Variants in INPP4B observed in about 807,000 individuals in gnomAD.
The protein encoded by INPP4B is inositol polyphosphate-4-phosphatase type II B, also known as inositol polyphosphate 4-phosphatase type II.
A neutral mutation model predicts 122.5 loss-of-function variants in INPP4B; 55 were observed. That is an observed-to-expected ratio of 0.45 (90% CI 0.36 to 0.56). The LOEUF is 0.56. Among genes scored for constraint, INPP4B ranks in the 20% least tolerant of loss-of-function variants. The pLI is 0.00. For synonymous variants in INPP4B, 403 were observed against 388.7 expected, an observed-to-expected ratio of 1.04 and a Z score of -0.43; for missense variants, 1,000 against 1,097.7, an observed-to-expected ratio of 0.91 and a Z score of 1.26.
chr4:142,475,251 G>T (rs1819609465), intron 2 of INPP4B, among the ~76,000 whole-genome samples: 1 of 151,168 alleles, frequency 6.6e-6, no homozygotes, highest in Non-Finnish European at 1.5e-5. Context: ...AAGCAAATTT[G>T]CAAGGGCATC....
intron 14 of INPP4B, 112 bp downstream of exon 14, chr4:142,208,313 T>C (rs1343602785): frequency 1.2e-5 from 6 of 488,432 alleles, no homozygotes; most frequent in Non-Finnish European, 2.1e-5. Context: ...AACTGTTTCA[T>C]TTTCAACTTT....
At chr4:142,751,283 C>CAAAA (rs70949187) in intron 1 of INPP4B, among the ~76,000 whole-genome samples, 21 of 105,022 alleles carry the variant, frequency 2.0e-4, no homozygotes, top group East Asian at 7.1e-4. Context: ...TTAACTGTGT[C>CAAAA]AAAAAAAAAA....
chr4:142,291,399 T>C (rs1414822791), intron 9 of INPP4B, among the ~76,000 whole-genome samples: 1 of 152,238 alleles, frequency 6.6e-6, no homozygotes, highest in Non-Finnish European at 1.5e-5. Flanking sequence ...AAATGTGATG[T>C]GACTTAGTTT....
intron 25 of INPP4B, among the ~76,000 whole-genome samples, chr4:142,059,048 C>T (rs1759212734): frequency 6.6e-6 from 1 of 152,064 alleles, no homozygotes; most frequent in Non-Finnish European, 1.5e-5. Flanking sequence ...GGCTTATAAA[C>T]CTGGATATTT....
chr4:142,387,524 C>T (rs187782952), intron 7 of INPP4B, among the ~76,000 whole-genome samples: 111 of 150,818 alleles, frequency 7.4e-4, no homozygotes, highest in African/African-American at 2.4e-3. Flanking sequence ...TTTTGTGTTG[C>T]GTTTGGCCTC....
chr4:142,383,516 A>G (rs547218522), intron 7 of INPP4B, among the ~76,000 whole-genome samples: 6 of 152,238 alleles, frequency 3.9e-5, no homozygotes, highest in African/African-American at 1.4e-4. Context: ...ATCAAAACAG[A>G]GTTATGTGGA....
At chr4:142,254,038 TCCCTGAC>T (rs1274093831) in intron 11 of INPP4B, among the ~76,000 whole-genome samples, 66 of 149,390 alleles carry the variant, frequency 4.4e-4, no homozygotes, top group Admixed American at 3.8e-3. Context: ...CTCTAGTGGG[TCCCTGAC>T]CCCTGACCCC....
At chr4:142,615,865 A>G (rs1161047875) in intron 2 of INPP4B, among the ~76,000 whole-genome samples, 3 of 152,094 alleles carry the variant, frequency 2.0e-5, no homozygotes, top group Non-Finnish European at 4.4e-5. Flanking sequence ...CTCTCTGCCC[A>G]CTGAAGGTTC....
chr4:142,146,447 T>C (rs1240700304), intron 17 of INPP4B, among the ~76,000 whole-genome samples: 1 of 152,142 alleles, frequency 6.6e-6, no homozygotes, highest in Admixed American at 6.6e-5. Context: ...ATTAAGTATA[T>C]TCACATTGTC....
chr4:142,373,168 A>G (rs902127342), intron 7 of INPP4B, among the ~76,000 whole-genome samples: 1 of 152,038 alleles, frequency 6.6e-6, no homozygotes, highest in Non-Finnish European at 1.5e-5. Flanking sequence ...TGAAGAGCCA[A>G]GTCCTGTATG....
chr4:142,234,260 T>A (rs560313646), intron 12 of INPP4B, among the ~76,000 whole-genome samples: 169 of 152,330 alleles, frequency 1.1e-3, no homozygotes, highest in African/African-American at 3.8e-3. Flanking sequence ...TTCTTTAGCA[T>A]TTAGGAAGAG....
At chr4:142,328,997 T>A (rs75535502) in intron 7 of INPP4B, among the ~76,000 whole-genome samples, 1 of 152,114 alleles carries the variant, frequency 6.6e-6, no homozygotes, top group Non-Finnish European at 1.5e-5. Context: ...CCACTAAGAC[T>A]CCCTGAACTT....
intron 2 of INPP4B, among the ~76,000 whole-genome samples, chr4:142,627,256 C>A (rs946786286): frequency 6.6e-6 from 1 of 151,572 alleles, no homozygotes; most frequent in Non-Finnish European, 1.5e-5. Flanking sequence ...CCTTCTCCTG[C>A]CTAATTGCCC....
intron 2 of INPP4B, among the ~76,000 whole-genome samples, chr4:142,482,059 C>T (rs1186695284): frequency 6.6e-6 from 1 of 152,098 alleles, no homozygotes; most frequent in Non-Finnish European, 1.5e-5. Context: ...CCATAAGGGC[C>T]ACATTTAACA....
chr4:142,802,181 A>G (rs1778087915), intron 1 of INPP4B, among the ~76,000 whole-genome samples: 1 of 152,134 alleles, frequency 6.6e-6, no homozygotes, highest in South Asian at 2.1e-4. Flanking sequence ...TTCCTGCCCC[A>G]ACAGGTTTTT....
At position 142,068,737 on chromosome 4, in the gene INPP4B, G is replaced by C. The variant is rs545810401; in HGVS notation, c.2642+13294C>G. 3.9e-5 allele frequency among the ~76,000 whole-genome samples: 6 copies of C among 152,258 alleles called. No homozygotes were observed. In the South Asian group the frequency reaches 1.2e-3, roughly 32 times the overall value. On this transcript the variant is annotated intron_variant, in intron 25 of 25. Coordinates refer to ENST00000262992, the MANE Select transcript of INPP4B (RefSeq NM_001101669.3). ...ACAAAGATCAAAAGAGACAAAGAAGGCCATTACATAATGGTAAAGGGATCA... is the reference window on the plus strand; with the variant it reads ...ACAAAGATCAAAAGAGACAAAGAAGCCCATTACATAATGGTAAAGGGATCA...
chr4:142,500,940 T>C (rs1823294522), intron 2 of INPP4B, among the ~76,000 whole-genome samples: 1 of 152,124 alleles, frequency 6.6e-6, no homozygotes, highest in East Asian at 1.9e-4. Flanking sequence ...AAAAAAGTTC[T>C]AGAGATCTGC....
At chr4:142,722,617 C>A (rs1764831503) in intron 2 of INPP4B, among the ~76,000 whole-genome samples, 1 of 152,146 alleles carries the variant, frequency 6.6e-6, no homozygotes, top group Admixed American at 6.5e-5. Flanking sequence ...AGCTTCTTTT[C>A]ATGTAAATTT....
At chr4:142,623,871 A>G (rs1273741306) in intron 2 of INPP4B, among the ~76,000 whole-genome samples, 1 of 151,936 alleles carries the variant, frequency 6.6e-6, no homozygotes, top group Non-Finnish European at 1.5e-5. Context: ...TTCCAGTTTC[A>G]TCCATGTCCC....
Sources: gnomAD v4.1 joint callset for allele counts (sites outside exome capture counted in the v4.1 genomes callset) on GRCh38, gnomAD v4.1.1 for gene constraint, MANE v1.5 for transcripts, NCBI Gene and HGNC (gene_info 2026-07-23, HGNC 2026-07-21) for gene names.